SPECC1L: variants seen among roughly 807,000 people sequenced by gnomAD.
The protein encoded by SPECC1L is sperm antigen with calponin homology and coiled-coil domains 1 like.
Under a neutral mutation model 116.8 loss-of-function variants are expected in SPECC1L, and 40 were observed. The ratio of observed to expected loss-of-function variants is 0.34; its 90% confidence interval spans 0.27 to 0.45. SPECC1L has a LOEUF of 0.45. SPECC1L is among the 20% of genes least tolerant of loss of function. SPECC1L has a pLI of 1.00. For missense variants in SPECC1L, 1,110 were observed against 1,373.6 expected, an observed-to-expected ratio of 0.81 and a Z score of 3.03; for synonymous variants, 504 against 500.6, an observed-to-expected ratio of 1.01 and a Z score of -0.09.
Position 24,330,783 on chromosome 22 carries a change from C to T in SPECC1L, c.2396+352C>T, listed in dbSNP as rs538676263. Among the ~76,000 whole-genome samples the T allele has an allele frequency of 1.6e-4, 25 of 152,262 alleles. No homozygotes were observed. The South Asian group carries it at 3.1e-3, about 19-fold the overall frequency. On this transcript the variant is annotated intron_variant, in intron 8 of 16. Coordinates refer to ENST00000314328, the MANE Select transcript of SPECC1L (RefSeq NM_015330.6). ...ACTCTGGAGACAGATATTCTTGGCT[C>T]GTGTCCAGCTCTGCCTCTTACTAGC...
At chr22:24,346,496 A>G (rs2041298625) in intron 10 of SPECC1L, among the ~76,000 whole-genome samples, 1 of 152,212 alleles carries the variant, frequency 6.6e-6, no homozygotes, top group East Asian at 1.9e-4. Context: ...AAAGGAGCAC[A>G]TCTGCATTTT....
At chr22:24,278,656 ATAAAT>A (rs1401001708) in intron 2 of SPECC1L, among the ~76,000 whole-genome samples, 1 of 152,242 alleles carries the variant, frequency 6.6e-6, no homozygotes, top group African/African-American at 2.4e-5. Context: ...AATTTAGGAA[ATAAAT>A]TAATTACATA....
chr22:24,317,972 G>T lies in SPECC1L; in HGVS notation c.308-3316G>T, dbSNP rs867349990. Among the ~76,000 whole-genome samples, 1,108 of 151,928 alleles carry T rather than the reference G, an allele frequency of 7.3e-3. 6 individuals are homozygous for T. Among genetic ancestry groups the T allele is most frequent in the South Asian group, 0.012 (59 of 4,814 alleles). On this transcript the variant is annotated intron_variant, in intron 4 of 16. Coordinates refer to ENST00000314328, the MANE Select transcript of SPECC1L (RefSeq NM_015330.6). ...CACTTCCTAGATGGGATGGCGGCCG[G>T]GAAGAGGCGCTCCTCACTTCCTAGA...
intron 3 of SPECC1L, among the ~76,000 whole-genome samples, chr22:24,303,447 A>G (rs2049423457): frequency 6.6e-6 from 1 of 152,210 alleles, no homozygotes; most frequent in Non-Finnish European, 1.5e-5. Flanking sequence ...TGTTGGTGGC[A>G]GTGCTGCTGC....
At chr22:24,333,421 A>C (rs1410090206) in intron 8 of SPECC1L, among the ~76,000 whole-genome samples, 1 of 152,218 alleles carries the variant, frequency 6.6e-6, no homozygotes, top group Non-Finnish European at 1.5e-5. Flanking sequence ...ATCTCATTCC[A>C]GATGAAATAA....
At position 24,361,138 on chromosome 22, in the gene SPECC1L, C is replaced by T. The variant is rs145041302; in HGVS notation, c.2744-2123C>T. Among the ~76,000 whole-genome samples, 29 of 152,318 alleles carry T rather than the reference C, an allele frequency of 1.9e-4. 1 individual carries two copies. Among genetic ancestry groups the T allele is most frequent in the Admixed American group, 1.7e-3 (26 of 15,298 alleles). On this transcript the variant is annotated intron_variant, in intron 11 of 16. Coordinates refer to ENST00000314328, the MANE Select transcript of SPECC1L (RefSeq NM_015330.6). ...TTTAGCCAGACTTGGTGGCTCATGC[C>T]TGTAATCCCAGCACTTTGGGAGGCC...
chr22:24,417,376 C>T lies in SPECC1L; in HGVS notation c.*2753C>T, dbSNP rs2042820566. On this transcript the variant is annotated 3_prime_UTR_variant, in exon 17 of 17. Coordinates refer to ENST00000314328, the MANE Select transcript of SPECC1L (RefSeq NM_015330.6). ...GGGCACCTCTGAGCCAGCCTGTGGC[C>T]CTACCCCAAGGCGCACTTCCTCATG... 1 of 152,486 alleles carries T rather than the reference C, an allele frequency of 6.6e-6. No homozygotes were observed. The allele number at this position is 152,486 out of a possible 1,614,324, so 9.4% of individuals were successfully genotyped here. A position where few individuals can be genotyped will look rare whatever the true frequency, so the allele number is the denominator to read the frequency against.
chr22:24,354,472 A>G (rs1387595228), intron 11 of SPECC1L, among the ~76,000 whole-genome samples: 1 of 151,976 alleles, frequency 6.6e-6, no homozygotes, highest in Non-Finnish European at 1.5e-5. Flanking sequence ...ATCTACTACC[A>G]TTTTTATTTG....
chr22:24,340,025 TC>T (rs1483023143), intron 10 of SPECC1L, among the ~76,000 whole-genome samples: 1 of 151,670 alleles, frequency 6.6e-6, no homozygotes, highest in Non-Finnish European at 1.5e-5. Context: ...GCTCAGGTAA[TC>T]CACCTGCCTG....
In SPECC1L at chr22:24,415,706, A is replaced by T. The variant is rs780501799; in HGVS notation, c.*1083A>T. 6.6e-5 allele frequency: 10 copies of T among 152,342 alleles called. No individual in the cohort carries two copies. Among genetic ancestry groups the T allele is most frequent in the Admixed American group, 3.3e-4 (5 of 15,284 alleles). The allele number at this position is 152,342 out of a possible 1,614,324, so 9.4% of individuals were successfully genotyped here. A position where few individuals can be genotyped will look rare whatever the true frequency, so the allele number is the denominator to read the frequency against. On this transcript the variant is annotated 3_prime_UTR_variant, in exon 17 of 17. Coordinates refer to ENST00000314328, the MANE Select transcript of SPECC1L (RefSeq NM_015330.6). ...GGGCAGCCACTGCCCTCCGTGGCCA[A>T]GGCAGGACCTCCAAGACTCAGTGGT...
intron 12 of SPECC1L, among the ~76,000 whole-genome samples, chr22:24,364,401 G>A: frequency 1.3e-5 from 2 of 151,808 alleles, no homozygotes; most frequent in East Asian, 3.9e-4. Flanking sequence ...GGTGGCTCAT[G>A]CCTGTAATCC....
chr22:24,342,994 A>G (rs2041210582), intron 10 of SPECC1L, among the ~76,000 whole-genome samples: 1 of 152,028 alleles, frequency 6.6e-6, no homozygotes, highest in Non-Finnish European at 1.5e-5. Flanking sequence ...GGAGTTTGAA[A>G]CCAGCCTGGA....
intron 14 of SPECC1L, among the ~76,000 whole-genome samples, chr22:24,408,625 C>T (rs1481932309): frequency 6.6e-6 from 1 of 152,252 alleles, no homozygotes; most frequent in South Asian, 2.1e-4. Flanking sequence ...TTCCTCGTTC[C>T]TTAATCTGGT....
intron 4 of SPECC1L, among the ~76,000 whole-genome samples, chr22:24,318,739 C>T (rs1447220515): frequency 6.6e-6 from 1 of 151,812 alleles, no homozygotes; most frequent in Admixed American, 6.6e-5. Flanking sequence ...GGGCAACATG[C>T]CCAATGTGGT....
chr22:24,384,310 A>G (rs1164360519), intron 14 of SPECC1L, among the ~76,000 whole-genome samples: 3 of 152,230 alleles, frequency 2.0e-5, no homozygotes, highest in African/African-American at 7.2e-5. Context: ...GGTAACAGAA[A>G]GAGGATTTGT....
At chr22:24,298,938 G>A (rs1453305391) in intron 2 of SPECC1L, among the ~76,000 whole-genome samples, 1 of 152,186 alleles carries the variant, frequency 6.6e-6, no homozygotes, top group African/African-American at 2.4e-5. Context: ...CCATCACACT[G>A]AGAGTGATTC....
intron 2 of SPECC1L, among the ~76,000 whole-genome samples, chr22:24,300,214 A>T (rs2146397970): frequency 6.6e-6 from 1 of 152,122 alleles, no homozygotes; most frequent in South Asian, 2.1e-4. Flanking sequence ...ACCTCCACTT[A>T]TGAGCAAGAA....
intron 12 of SPECC1L, among the ~76,000 whole-genome samples, chr22:24,364,257 G>C (rs1015358361): frequency 1.3e-5 from 2 of 152,240 alleles, no homozygotes; most frequent in East Asian, 3.8e-4. Context: ...AGGTAGTACA[G>C]TGGCTTACTA....
intron 14 of SPECC1L, among the ~76,000 whole-genome samples, chr22:24,384,846 G>T (rs1166616749): frequency 6.6e-6 from 1 of 152,140 alleles, no homozygotes; most frequent in Non-Finnish European, 1.5e-5. Flanking sequence ...GGAGGCCAAG[G>T]TGGGCGGATC....
Sources: gnomAD v4.1 joint callset for allele counts (sites outside exome capture counted in the v4.1 genomes callset) on GRCh38, gnomAD v4.1.1 for gene constraint, MANE v1.5 for transcripts, NCBI Gene and HGNC (gene_info 2026-07-23, HGNC 2026-07-21) for gene names.